SATB1: variants seen among roughly 807,000 people sequenced by gnomAD.
The protein encoded by SATB1 is DNA-binding protein SATB1.
In SATB1, 11 loss-of-function variants were observed where a neutral mutation model predicts 86.9. That is an observed-to-expected ratio of 0.13 (90% CI 0.08 to 0.21). The LOEUF is 0.21. SATB1 is among the 10% of genes least tolerant of loss of function. The pLI is 1.00. For missense variants in SATB1, 551 were observed against 937.6 expected (o/e 0.59, Z 5.39); for synonymous variants, 357 against 357.2 (o/e 1.00, Z 0.01).
At chr3:18,395,948 A>G (rs1696943422) in intron 6 of SATB1, among the ~76,000 whole-genome samples, 1 of 152,240 alleles carries the variant, frequency 6.6e-6, no homozygotes, top group African/African-American at 2.4e-5. Flanking sequence ...GACTTCCCAC[A>G]TGTAGACTCT....
Position 18,366,869 on chromosome 3 carries a change from C to T in SATB1, c.1575+11301G>A, listed in dbSNP as rs150905207. On this transcript the variant is annotated intron_variant, in intron 9 of 10. Transcript: ENST00000338745. ...AGACCCCAAAATATCACTTTTCCGCCTACCCCCCAAACTAAGCCCTTCCAT... is the reference window on the plus strand; with the variant it reads ...AGACCCCAAAATATCACTTTTCCGCTTACCCCCCAAACTAAGCCCTTCCAT... Among the ~76,000 whole-genome samples, 663 of 152,242 alleles carry T rather than the reference C, an allele frequency of 4.4e-3. 1 individual carries two copies. The highest frequency in any genetic ancestry group is 0.01 in the East Asian group (52 of 5,178).
chr3:18,395,003 G>C, intron 6 of SATB1, 87 bp from the exon 7 acceptor site: 1 of 1,071,098 alleles, frequency 9.3e-7, no homozygotes, highest in Non-Finnish European at 1.3e-6. Flanking sequence ...ATTAAAAAAG[G>C]GTAGGCACAG....
At position 18,349,270 on chromosome 3, in the gene SATB1, C is replaced by G; in HGVS notation, c.2192G>C (p.Ser731Thr). 6.2e-7 allele frequency: 1 copy of G among 1,614,240 alleles called. No individual in the cohort carries two copies. The highest frequency in any genetic ancestry group is 8.5e-7 in the Non-Finnish European group (1 of 1,180,040). The change falls in exon 11 of 11, where the codon AGT becomes ACT. Residue 731 changes from serine (S) to threonine (T), a missense_variant. Transcript: ENST00000338745. This position sits in a 1 kb window ranked among gnomAD's most constrained non-coding sequence, Gnocchi z 5.5. ...EEELLKDLEE[S>T]VQDKNTNTLF... ...GGTGTTAGTATTTTTATCTTGGACA[C>G]TCTCTTCCAAATCCTTCAGCAGCTC... is the stretch of plus-strand genomic sequence containing the variant.
At chr3:18,420,212 T>C (rs1228136936) in intron 2 of SATB1, among the ~76,000 whole-genome samples, 1 of 152,184 alleles carries the variant, frequency 6.6e-6, no homozygotes, top group African/African-American at 2.4e-5. Flanking sequence ...TCTTTCTTCA[T>C]CAAAAATACC....
intron 8 of SATB1, among the ~76,000 whole-genome samples, chr3:18,378,855 C>G (rs1439949596): frequency 6.6e-6 from 1 of 152,106 alleles, no homozygotes; most frequent in Non-Finnish European, 1.5e-5. Context: ...TGCAGAACTG[C>G]GTATTTAAAT....
At chr3:18,365,045 T>G (rs1470869674) in intron 9 of SATB1, among the ~76,000 whole-genome samples, 1 of 152,104 alleles carries the variant, frequency 6.6e-6, no homozygotes. Context: ...CTCAGGTCAA[T>G]CAAAATGGAG....
chr3:18,384,570 G>C (rs538608401), intron 8 of SATB1, among the ~76,000 whole-genome samples: 22 of 151,976 alleles, frequency 1.4e-4, no homozygotes, highest in South Asian at 1.0e-3. Context: ...TCTCTGCTCA[G>C]AGCCCTGTCA....
chr3:18,406,532 A>C (rs1198899313), intron 5 of SATB1, among the ~76,000 whole-genome samples: 3 of 151,976 alleles, frequency 2.0e-5, no homozygotes, highest in Non-Finnish European at 4.4e-5. Flanking sequence ...TGTGGAAGAA[A>C]AATTTTAAAA....
intron 5 of SATB1, among the ~76,000 whole-genome samples, chr3:18,407,250 C>G (rs919539195): frequency 6.6e-6 from 1 of 152,068 alleles, no homozygotes; most frequent in African/African-American, 2.4e-5. Flanking sequence ...AAAGTATAAG[C>G]TGCAGTCTTC....
chr3:18,405,841 T>C (rs1052099652), intron 5 of SATB1, among the ~76,000 whole-genome samples: 1 of 152,008 alleles, frequency 6.6e-6, no homozygotes, highest in African/African-American at 2.4e-5. Context: ...CATTGTCAGC[T>C]TTTAGATAAG....
At chr3:18,403,120 G>C (rs1697354266) in intron 5 of SATB1, among the ~76,000 whole-genome samples, 1 of 152,008 alleles carries the variant, frequency 6.6e-6, no homozygotes, top group African/African-American at 2.4e-5. Context: ...AGACTGAAAT[G>C]GTGACTGCTG....
chr3:18,349,905 T>C lies in SATB1; in HGVS notation c.1780-223A>G, dbSNP rs979760929. The C allele has an allele frequency of 6.0e-6, 4 of 669,178 alleles. No individual in the cohort carries two copies. The African/African-American group carries it at 7.3e-5, about 12-fold the overall frequency. The allele number at this position is 669,178 out of a possible 1,614,324, so 41.5% of individuals were successfully genotyped here. On this transcript the variant is annotated intron_variant, in intron 10 of 10. Transcript: ENST00000338745. This position sits in a 1 kb window ranked among gnomAD's most constrained non-coding sequence, Gnocchi z 5.5. ...ATGAATTAAGACAGCTTTGGGGGGC[T>C]ACTGCACTTACTTATCAGAGATCAG...
chr3:18,349,718 A>G lies in SATB1; in HGVS notation c.1780-36T>C. The G allele has an allele frequency of 6.4e-7, 1 of 1,554,696 alleles. No homozygotes were observed. The highest frequency in any genetic ancestry group is 8.7e-7 in the Non-Finnish European group (1 of 1,151,594). On this transcript the variant is annotated intron_variant, in intron 10 of 10. Coordinates refer to ENST00000338745, the MANE Select transcript of SATB1 (RefSeq NM_002971.6). The surrounding 1 kb of genome is among the most constrained non-coding windows in gnomAD (Gnocchi z 5.5). ...ACAAGGAGACAATCAGAGCTCTGCT[A>G]TCGTGGAGTTCCACACAAAGCCGTC...
chr3:18,428,023 GATAAAAAT>G (rs1401553997), upstream of SATB1, among the ~76,000 whole-genome samples: 1 of 152,148 alleles, frequency 6.6e-6, no homozygotes, highest in Non-Finnish European at 1.5e-5. Flanking sequence ...TGTAAAGCCA[GATAAAAAT>G]AAATAACAAA....
chr3:18,351,059 G>C (rs12630303), intron 10 of SATB1: 57 of 466,236 alleles, frequency 1.2e-4, no homozygotes, highest in African/African-American at 1.0e-3. Context: ...GGGGCCCTAA[G>C]AGCGCTAATG....
In SATB1 at chr3:18,420,959, A is replaced by G. The variant is rs1449295145; in HGVS notation, c.9T>C (p.His3=). 1 of 1,614,020 alleles carries G rather than the reference A, an allele frequency of 6.2e-7. No homozygotes were observed. The highest frequency in any genetic ancestry group is 8.5e-7 in the Non-Finnish European group (1 of 1,179,992). The change falls in exon 2 of 11, where the codon CAT becomes CAC. Residue 3 remains histidine, a synonymous_variant. Transcript: ENST00000338745. MD[H]LNEATQGKEH... is the part of the protein sequence containing the mutation. ...CTTTCCCCTGAGTTGCCTCGTTCAA[A>G]TGATCCATACTCAGTCACTGTCTAA...
At chr3:18,389,583 G>A (rs1029072170) in intron 7 of SATB1, among the ~76,000 whole-genome samples, 1 of 151,934 alleles carries the variant, frequency 6.6e-6, no homozygotes, top group Non-Finnish European at 1.5e-5. Context: ...TTGTAGTACT[G>A]CCCACACAGT....
In SATB1 at chr3:18,417,852, T is replaced by C. The variant is rs185981305; in HGVS notation, c.212-774A>G. Among the ~76,000 whole-genome samples, 332 of 152,230 alleles carry C rather than the reference T, an allele frequency of 2.2e-3. 3 individuals are homozygous for C. The highest frequency in any genetic ancestry group is 7.7e-3 in the African/African-American group (319 of 41,554). ...TGAGAGATAGAAAAGGAAACTGACA[T>C]ACTAGGATAAAGGAATCTGCATAGA... On this transcript the variant is annotated intron_variant, in intron 2 of 10. Transcript: ENST00000338745.
At chr3:18,417,168 A>C (rs1698159848) in intron 2 of SATB1, 90 bp from the exon 3 acceptor site, 1 of 1,323,254 alleles carries the variant, frequency 7.6e-7, no homozygotes, top group East Asian at 2.3e-5. Context: ...TAGCCATGAA[A>C]ATAAATAATC....
Sources: gnomAD v4.1 joint callset for allele counts (sites outside exome capture counted in the v4.1 genomes callset) on GRCh38, gnomAD v4.1.1 for gene constraint, Gnocchi (gnomAD v3.1) non-coding constraint, MANE v1.5 for transcripts, NCBI Gene and HGNC (gene_info 2026-07-23, HGNC 2026-07-21) for gene names.